Variants in ADCY1 observed in about 807,000 individuals in gnomAD.
The protein encoded by ADCY1 is adenylate cyclase type 1.
ADCY1 carries 28 observed loss-of-function variants against 105.4 expected under a neutral mutation model. That is an observed-to-expected ratio of 0.27 (90% CI 0.20 to 0.36). ADCY1 has a LOEUF of 0.36. Among genes scored for constraint, ADCY1 ranks in the 10% least tolerant of loss-of-function variants. The pLI is 1.00. For synonymous variants in ADCY1, 655 were observed against 623.8 expected (o/e 1.05, Z -0.75); for missense variants, 977 against 1,434.2 (o/e 0.68, Z 5.15).
chr7:45,670,114 G>T (rs1307939456), intron 8 of ADCY1, among the ~76,000 whole-genome samples: 1 of 152,174 alleles, frequency 6.6e-6, no homozygotes, highest in African/African-American at 2.4e-5. Context: ...TGCTTAGCCT[G>T]GTGGTTCCCC....
chr7:45,574,944 C>A lies in ADCY1; in HGVS notation c.401C>A (p.Ala134Glu), dbSNP rs1333939247. 1 of 1,612,040 alleles carries A rather than the reference C, an allele frequency of 6.2e-7. No individual in the cohort carries two copies. Among genetic ancestry groups the A allele is most frequent in the Non-Finnish European group, 8.5e-7 (1 of 1,179,764 alleles). The change falls in exon 1 of 20, where the codon GCG becomes GAG. Residue 134 changes from alanine to glutamate, a missense_variant. This residue lies in a region of ADCY1 where 209 missense variants were observed against 222.5 expected (regional missense o/e 0.94). Coordinates refer to ENST00000297323, the MANE Select transcript of ADCY1 (RefSeq NM_021116.4). The surrounding 1 kb of genome is among the most constrained non-coding windows in gnomAD (Gnocchi z 7.0). Reference protein sequence around the residue: ...QLALLFSLTFALLCCPFALGG... With the variant: ...QLALLFSLTFELLCCPFALGG... ...GCGCTGCTCTTCAGCCTCACCTTCGCGCTGCTCTGCTGTCCTTTCGCGCTG... is the reference window on the plus strand; with the variant it reads ...GCGCTGCTCTTCAGCCTCACCTTCGAGCTGCTCTGCTGTCCTTTCGCGCTG...
chr7:45,667,983 C>A (rs891274604), intron 8 of ADCY1, among the ~76,000 whole-genome samples: 162 of 152,256 alleles, frequency 1.1e-3, no homozygotes, highest in Non-Finnish European at 1.8e-3. Context: ...GATTTTGTAT[C>A]CTGAGACTTT....
chr7:45,711,289 G>A lies in ADCY1; in HGVS notation c.3057+637G>A, dbSNP rs73694839. 7.7e-3 allele frequency among the ~76,000 whole-genome samples: 1,168 copies of A among 152,002 alleles called. 19 individuals are homozygous for A. Among genetic ancestry groups the A allele is most frequent in the African/African-American group, 0.027 (1,119 of 41,424 alleles). On this transcript the variant is annotated intron_variant, in intron 19 of 19. Transcript: ENST00000297323. ...GCCACACAGCCCTGCAGCCACCCTC[G>A]CTGGGAACTGCAGGCCTCCAGAGGC...
chr7:45,579,843 G>A (rs980392979), intron 1 of ADCY1, among the ~76,000 whole-genome samples: 3 of 152,154 alleles, frequency 2.0e-5, no homozygotes, highest in Non-Finnish European at 4.4e-5. Flanking sequence ...TCAGTCCTGT[G>A]GCAGCCTCGC....
chr7:45,622,955 G>T (rs1229332638), intron 4 of ADCY1, among the ~76,000 whole-genome samples: 2 of 152,216 alleles, frequency 1.3e-5, no homozygotes, highest in Non-Finnish European at 2.9e-5. Context: ...ATAAGAAAAT[G>T]CTTGCACAAG....
intron 2 of ADCY1, among the ~76,000 whole-genome samples, chr7:45,602,776 C>G (rs1284594553): frequency 1.3e-5 from 2 of 152,056 alleles, no homozygotes; most frequent in Non-Finnish European, 2.9e-5. Context: ...AATGCTTTTT[C>G]CTATAGAGTT....
At chr7:45,577,431 G>A (rs1351528677) in intron 1 of ADCY1, among the ~76,000 whole-genome samples, 1 of 152,208 alleles carries the variant, frequency 6.6e-6, no homozygotes, top group Non-Finnish European at 1.5e-5. Flanking sequence ...GAGAATTCCA[G>A]GAGCCTGTGA....
chr7:45,646,015 G>A (rs533116344), intron 4 of ADCY1, among the ~76,000 whole-genome samples: 1 of 152,068 alleles, frequency 6.6e-6, no homozygotes, highest in East Asian at 1.9e-4. Flanking sequence ...CAAGGGCTGG[G>A]TGGAGGAAGC....
Position 45,662,059 on chromosome 7 carries a change from A to C in ADCY1, c.1450A>C (p.Ile484Leu), listed in dbSNP as rs1247050201. 6.2e-7 allele frequency: 1 copy of C among 1,613,750 alleles called. No individual in the cohort carries two copies. The highest frequency in any genetic ancestry group is 8.5e-7 in the Non-Finnish European group (1 of 1,179,762). Residue 484 changes from isoleucine (I) to leucine (L), a missense_variant and splice_region_variant, in exon 8 of 20, where the codon ATA becomes CTA. This residue lies in a region of ADCY1 where 66 missense variants were observed against 127.2 expected (regional missense o/e 0.52). Coordinates refer to ENST00000297323, the MANE Select transcript of ADCY1 (RefSeq NM_021116.4). ...FFIVPSHRRK[I>L]FPGLILSDIK... ...CCTTGCCCCTTGTGTGTTTGGACAGATATTTCCAGGCCTGATTCTCTCAGA... is the reference window on the plus strand; with the variant it reads ...CCTTGCCCCTTGTGTGTTTGGACAGCTATTTCCAGGCCTGATTCTCTCAGA...
chr7:45,705,305 T>C (rs923419387), intron 17 of ADCY1, among the ~76,000 whole-genome samples: 7 of 152,214 alleles, frequency 4.6e-5, no homozygotes, highest in African/African-American at 1.7e-4. Flanking sequence ...CTCATTAATA[T>C]AGATGTATAA....
chr7:45,622,633 A>G lies in ADCY1; in HGVS notation c.910A>G (p.Ile304Val). The G allele has an allele frequency of 6.2e-7, 1 of 1,613,174 alleles. No homozygotes were observed. The highest frequency in any genetic ancestry group is 8.5e-7 in the Non-Finnish European group (1 of 1,179,658). The part of the protein sequence containing the change: ...IYIQRHDNVS[I>V]LFADIVGFTG... ...GCCTGGCACCCCTTTCTCTTGCAGC[A>G]TCCTGTTTGCTGACATCGTGGGTTT... The change falls in exon 4 of 20, where the codon ATC becomes GTC. Residue 304 changes from isoleucine (I) to valine (V), a missense_variant and splice_region_variant. Physicochemically the swap from Ile to Val is conservative, Grantham distance 29. This residue lies in a region of ADCY1 where 196 missense variants were observed against 347.8 expected (regional missense o/e 0.56). Transcript: ENST00000297323.
At chr7:45,711,591 T>C in intron 19 of ADCY1, among the ~76,000 whole-genome samples, 1 of 138,076 alleles carries the variant, frequency 7.2e-6, no homozygotes, top group African/African-American at 2.8e-5. Context: ...ACCATCCACC[T>C]CCAGAACTTC....
At chr7:45,585,952 G>A (rs574000504) in intron 1 of ADCY1, among the ~76,000 whole-genome samples, 2 of 152,262 alleles carry the variant, frequency 1.3e-5, no homozygotes, top group South Asian at 2.1e-4. Flanking sequence ...GATGGTCACC[G>A]TGTCATTCAT....
At chr7:45,698,888 A>AGTAG (rs1371616100) in intron 14 of ADCY1, among the ~76,000 whole-genome samples, 1 of 152,222 alleles carries the variant, frequency 6.6e-6, no homozygotes, top group African/African-American at 2.4e-5. Context: ...AGCTGGCACC[A>AGTAG]GAGTGACCCC....
At chr7:45,621,759 G>A (rs910415929) in intron 3 of ADCY1, among the ~76,000 whole-genome samples, 3 of 152,138 alleles carry the variant, frequency 2.0e-5, no homozygotes, top group Admixed American at 6.5e-5. Flanking sequence ...TGCTGGGGGC[G>A]TTCTGGGTTC....
In ADCY1 at chr7:45,685,284, G is replaced by A. The variant is rs534593326; in HGVS notation, c.2073+216G>A. Among the ~76,000 whole-genome samples the A allele has an allele frequency of 3.9e-5, 6 of 152,330 alleles. No individual in the cohort carries two copies. In the South Asian group the frequency reaches 6.2e-4, roughly 16 times the overall value. ...TGAAAGGAGCCTGGCTTCTTCATAC[G>A]GTGCAGAGGACAGAAGCAGGGGTGG... On this transcript the variant is annotated intron_variant, in intron 12 of 19. Coordinates refer to ENST00000297323, the MANE Select transcript of ADCY1 (RefSeq NM_021116.4).
intron 14 of ADCY1, among the ~76,000 whole-genome samples, chr7:45,694,383 A>G (rs1784842530): frequency 6.6e-6 from 1 of 152,226 alleles, no homozygotes. Flanking sequence ...TTTGGTTCAA[A>G]GAAATCAAAC....
In ADCY1 at chr7:45,574,874, G is replaced by A; in HGVS notation, c.331G>A (p.Val111Ile). 1 of 1,611,808 alleles carries A rather than the reference G, an allele frequency of 6.2e-7. No individual in the cohort carries two copies. The highest frequency in any genetic ancestry group is 8.5e-7 in the Non-Finnish European group (1 of 1,179,636). Residue 111 changes from valine to isoleucine, a missense_variant, in exon 1 of 20, where the codon GTC (valine) becomes ATC (isoleucine). Around this residue, in one of 7 missense-constraint regions of ADCY1, gnomAD observed 209 missense variants for 222.5 expected, o/e 0.94. Transcript: ENST00000297323. This position sits in a 1 kb window ranked among gnomAD's most constrained non-coding sequence, Gnocchi z 7.0. ...CCTGGCGCTGCTCGTGGTAACCAAC[G>A]TCCGGTCCCTGCAGGTGCCCCAGCT... is the stretch of plus-strand genomic sequence containing the variant. ...LFLALLVVTN[V>I]RSLQVPQLQQ...
At position 45,686,824 on chromosome 7, in the gene ADCY1, C is replaced by T. The variant is rs1469730344; in HGVS notation, c.2454+151C>T. ...AGCAGCATGCAAGCCAGGCACTGTC[C>T]GGGGATGGAGGAGACCTATGCTGGG... is the stretch of plus-strand genomic sequence containing the variant. On this transcript the variant is annotated intron_variant, in intron 14 of 19. Coordinates refer to ENST00000297323, the MANE Select transcript of ADCY1 (RefSeq NM_021116.4). The surrounding 1 kb of genome is among the most constrained non-coding windows in gnomAD (Gnocchi z 4.3). 2.7e-5 allele frequency: 33 copies of T among 1,227,158 alleles called. No homozygotes were observed. Among genetic ancestry groups the T allele is most frequent in the African/African-American group, 4.6e-5 (3 of 65,768 alleles). The allele number at this position is 1,227,158 out of a possible 1,614,324, so 76.0% of individuals were successfully genotyped here.
Sources: gnomAD v4.1 joint callset for allele counts (sites outside exome capture counted in the v4.1 genomes callset) on GRCh38, gnomAD v4.1.1 for gene constraint, gnomAD v4.1.1 regional missense constraint, Gnocchi (gnomAD v3.1) non-coding constraint, MANE v1.5 for transcripts, NCBI Gene and HGNC (gene_info 2026-07-23, HGNC 2026-07-21) for gene names.